Variants in MGAT4D observed in about 807,000 individuals in gnomAD.
MGAT4D encodes MGAT4 family member D.
Under a neutral mutation model 15.9 loss-of-function variants are expected in MGAT4D, and 34 were observed. The observed-to-expected ratio is 2.14, with a 90% CI of 1.62 to 2.84. MGAT4D has a LOEUF of 2.84. MGAT4D is among the 30% of genes most tolerant of loss of function. The pLI is 0.00. For missense variants in MGAT4D, 327 were observed against 140.2 expected (o/e 2.33, Z -6.73); for synonymous variants, 112 against 48.2 (o/e 2.33, Z -5.49).
chr4:140,452,634 G>A (rs544161839), intron 9 of MGAT4D, among the ~76,000 whole-genome samples: 2 of 152,178 alleles, frequency 1.3e-5, no homozygotes, highest in East Asian at 1.9e-4. Context: ...TACCTGTTTT[G>A]AGAGTTCTAT....
In MGAT4D at chr4:140,459,613, A is replaced by C. The variant is rs1015091239; in HGVS notation, c.776T>G (p.Ile259Ser). The change falls in exon 8 of 11, where the codon ATC becomes AGC. Residue 259 changes from isoleucine to serine, a missense_variant. Ile to Ser is a moderately radical substitution (Grantham distance 142). Coordinates refer to ENST00000511113, the MANE Select transcript of MGAT4D (RefSeq NM_001277353.2). ...TGTAAAGTACATCTCTTTAGCTATGATATCATCTTCTAGCTGAAAAAAAAA... is the reference window on the plus strand; with the variant it reads ...TGTAAAGTACATCTCTTTAGCTATGCTATCATCTTCTAGCTGAAAAAAAAA... ...AKYYLQLEDDIIAKEMYFTKI... is the reference protein window; with the variant it reads ...AKYYLQLEDDSIAKEMYFTKI... 2 of 476,804 alleles carry C rather than the reference A, an allele frequency of 4.2e-6. No homozygotes were observed. The highest frequency in any genetic ancestry group is 7.4e-6 in the Non-Finnish European group (2 of 269,018). The allele number at this position is 476,804 out of a possible 1,614,324, so 29.5% of individuals were successfully genotyped here. A position where few individuals can be genotyped will look rare whatever the true frequency, so the allele number is the denominator to read the frequency against.
At chr4:140,469,657 C>A (rs1365498800) in intron 5 of MGAT4D, among the ~76,000 whole-genome samples, 1 of 152,194 alleles carries the variant, frequency 6.6e-6, no homozygotes, top group Non-Finnish European at 1.5e-5. Context: ...GGTCCCACTT[C>A]TTGATTGTTT....
chr4:140,454,042 A>G (rs1174311966), intron 9 of MGAT4D, among the ~76,000 whole-genome samples: 1 of 146,964 alleles, frequency 6.8e-6, no homozygotes, highest in Non-Finnish European at 1.5e-5. Flanking sequence ...GTGTGTGTTT[A>G]TTCTTTGTGA....
At chr4:140,475,053 A>G in intron 3 of MGAT4D, 107 bp from the exon 4 acceptor site, 1 of 425,250 alleles carries the variant, frequency 2.4e-6, no homozygotes, top group Non-Finnish European at 4.1e-6. Flanking sequence ...TACGGTAACA[A>G]AATGAGTGTT....
chr4:140,462,807 A>C (rs1462526637), intron 6 of MGAT4D: 5 of 152,178 alleles, frequency 3.3e-5, no homozygotes, highest in Non-Finnish European at 1.5e-5. Flanking sequence ...GAATTATAGC[A>C]AAAAAATGGC....
At chr4:140,489,223 A>G (rs925570752) in intron 1 of MGAT4D, among the ~76,000 whole-genome samples, 1 of 152,158 alleles carries the variant, frequency 6.6e-6, no homozygotes, top group African/African-American at 2.4e-5. Flanking sequence ...ATCTAAGGTA[A>G]TTACTAGAAG....
Position 140,443,408 on chromosome 4 carries a change from G to A in MGAT4D, c.*28C>T, listed in dbSNP as rs1158334336. The A allele has an allele frequency of 3.8e-6, 2 of 524,390 alleles. No individual in the cohort carries two copies. Among genetic ancestry groups the A allele is most frequent in the Non-Finnish European group, 6.8e-6 (2 of 294,422 alleles). 32.5% of individuals were successfully genotyped at this position (524,390 alleles called of 1,614,324 possible). ...ATATCAAGGTTATCTGAGGTTCCAG[G>A]TATTACAGAGTTTCTTCTTATTTAT... On this transcript the variant is annotated 3_prime_UTR_variant, in exon 11 of 11. Coordinates refer to ENST00000511113, the MANE Select transcript of MGAT4D (RefSeq NM_001277353.2).
chr4:140,454,251 G>T (rs890979170), intron 9 of MGAT4D, among the ~76,000 whole-genome samples: 1 of 152,130 alleles, frequency 6.6e-6, no homozygotes, highest in Non-Finnish European at 1.5e-5. Context: ...GATTTCTCTA[G>T]ATGCTCTTTA....
intron 1 of MGAT4D, among the ~76,000 whole-genome samples, chr4:140,487,876 C>A (rs1384471060): frequency 6.6e-6 from 1 of 152,190 alleles, no homozygotes; most frequent in African/African-American, 2.4e-5. Context: ...TGGCATAAGT[C>A]TCCGGCATCA....
rs577423910 is a variant in MGAT4D at position 140,462,018 on chromosome 4, A to G, written c.687-14T>C. 5.6e-5 allele frequency: 39 copies of G among 699,992 alleles called. No individual in the cohort carries two copies. In the East Asian group the frequency reaches 1.0e-3, roughly 19 times the overall value. 43.4% of individuals were successfully genotyped at this position (699,992 alleles called of 1,614,324 possible). ...TTGATTCGCCAACTAAAGGTAATCA[A>G]TAAGATCTGTTAATATTTGTCATTA... On this transcript the variant is annotated splice_polypyrimidine_tract_variant and intron_variant, in intron 6 of 10. Transcript: ENST00000511113.
chr4:140,460,547 G>A (rs537722091), intron 7 of MGAT4D, among the ~76,000 whole-genome samples: 13 of 152,264 alleles, frequency 8.5e-5, no homozygotes, highest in Admixed American at 8.5e-4. Flanking sequence ...ATTAATTTTG[G>A]GAGGGAGGCC....
intron 5 of MGAT4D, among the ~76,000 whole-genome samples, chr4:140,468,963 A>G (rs1180984911): frequency 2.6e-5 from 4 of 152,088 alleles, no homozygotes; most frequent in Admixed American, 6.5e-5. Context: ...AGTACTGTCT[A>G]AAGCTCCCTC....
chr4:140,472,323 T>C (rs1732018485), intron 4 of MGAT4D, among the ~76,000 whole-genome samples: 1 of 152,180 alleles, frequency 6.6e-6, no homozygotes, highest in Non-Finnish European at 1.5e-5. Flanking sequence ...GACCTGCTCT[T>C]CATTGAACAG....
chr4:140,452,294 T>C (rs1272437931), intron 9 of MGAT4D, among the ~76,000 whole-genome samples: 2 of 152,104 alleles, frequency 1.3e-5, no homozygotes, highest in Non-Finnish European at 2.9e-5. Context: ...ATCTAAAATG[T>C]ATATATATAG....
At chr4:140,487,990 C>A (rs1373134578) in intron 1 of MGAT4D, among the ~76,000 whole-genome samples, 1 of 152,150 alleles carries the variant, frequency 6.6e-6, no homozygotes, top group Non-Finnish European at 1.5e-5. Context: ...GACTACTATG[C>A]ACATTAAAAT....
chr4:140,443,139 T>G lies in MGAT4D; in HGVS notation c.*297A>C. On this transcript the variant is annotated 3_prime_UTR_variant, in exon 11 of 11. Coordinates refer to ENST00000511113, the MANE Select transcript of MGAT4D (RefSeq NM_001277353.2). ...AGCTTTCGAACTTTTAACTGTTTAT[T>G]GAGATTATGTGATGGTCTCACTATC... 5.8e-6 allele frequency: 1 copy of G among 172,834 alleles called. No individual in the cohort carries two copies. The highest frequency in any genetic ancestry group is 1.6e-4 in the East Asian group (1 of 6,366). 10.7% of individuals were successfully genotyped at this position (172,834 alleles called of 1,614,324 possible).
At chr4:140,453,404 G>C (rs1304706875) in intron 9 of MGAT4D, among the ~76,000 whole-genome samples, 2 of 151,736 alleles carry the variant, frequency 1.3e-5, no homozygotes, top group Non-Finnish European at 2.9e-5. Flanking sequence ...ATGTCTCTCT[G>C]TTCTTTTTAT....
chr4:140,453,105 T>C (rs977057812), intron 9 of MGAT4D, among the ~76,000 whole-genome samples: 1 of 152,186 alleles, frequency 6.6e-6, no homozygotes, highest in Non-Finnish European at 1.5e-5. Context: ...CATGGAACTT[T>C]ATGCTTATCC....
chr4:140,451,237 AG>A (rs1374928065), intron 10 of MGAT4D, among the ~76,000 whole-genome samples, 172 bp downstream of exon 10: 7 of 152,280 alleles, frequency 4.6e-5, no homozygotes, highest in South Asian at 4.1e-4. Flanking sequence ...GGGCTTTAAA[AG>A]ATGATTGCTT....
Sources: gnomAD v4.1 joint callset for allele counts (sites outside exome capture counted in the v4.1 genomes callset) on GRCh38, gnomAD v4.1.1 for gene constraint, MANE v1.5 for transcripts, NCBI Gene and HGNC (gene_info 2026-07-23, HGNC 2026-07-21) for gene names.